Variants in PAPOLA observed in about 807,000 individuals in gnomAD.
The protein encoded by PAPOLA is polynucleotide adenylyltransferase alpha.
In PAPOLA, 15 loss-of-function variants were observed where a neutral mutation model predicts 100.6. The observed-to-expected ratio is 0.15, with a 90% confidence interval of 0.10 to 0.23. The LOEUF is 0.23. Among genes scored for constraint, PAPOLA ranks in the 10% least tolerant of loss-of-function variants. PAPOLA has a pLI of 1.00. For synonymous variants in PAPOLA, 293 were observed against 300.0 expected, an observed-to-expected ratio of 0.98 and a Z score of 0.24; for missense variants, 533 against 884.2, an observed-to-expected ratio of 0.60 and a Z score of 5.04.
chr14:96,561,251 C>T (rs1448811568), intron 20 of PAPOLA, among the ~76,000 whole-genome samples: 2 of 149,296 alleles, frequency 1.3e-5, no homozygotes, highest in Non-Finnish European at 3.0e-5. Flanking sequence ...TTTTTTTCCC[C>T]AAAATGTAAA....
chr14:96,545,543 CTATT>C (rs1325161355), intron 15 of PAPOLA, among the ~76,000 whole-genome samples: 1 of 151,988 alleles, frequency 6.6e-6, no homozygotes, highest in African/African-American at 2.4e-5. Context: ...TTAAAATACT[CTATT>C]TTTTGTTTGT....
chr14:96,564,836 T>G, intron 21 of PAPOLA, 119 bp from the exon 22 acceptor site: 2 of 617,584 alleles, frequency 3.2e-6, no homozygotes, highest in South Asian at 4.5e-5. Context: ...ATAGAGTTTT[T>G]AAATTTGTAA....
chr14:96,505,757 T>C (rs1251087781), intron 1 of PAPOLA, among the ~76,000 whole-genome samples: 2 of 152,166 alleles, frequency 1.3e-5, no homozygotes, highest in Non-Finnish European at 2.9e-5. Flanking sequence ...TTTCATGTTA[T>C]TGAGATGTTT....
intron 9 of PAPOLA, chr14:96,533,761 G>A (rs1184374971): frequency 5.0e-6 from 2 of 400,176 alleles, no homozygotes; most frequent in Non-Finnish European, 6.8e-6. Context: ...CACTGTGTTA[G>A]CCAGGATGGT....
At chr14:96,502,663 G>A in intron 1 of PAPOLA, 63 bp downstream of exon 1, 3 of 1,543,830 alleles carry the variant, frequency 1.9e-6, no homozygotes, top group African/African-American at 1.4e-5. Flanking sequence ...CGTCCGGGAA[G>A]GGGAAGAGGT....
chr14:96,559,581 C>CTCTCTA (rs370979875), intron 19 of PAPOLA, among the ~76,000 whole-genome samples: 3,721 of 120,034 alleles, frequency 0.031, 69 homozygotes, highest in South Asian at 0.039. Context: ...CTCTCTCTCT[C>CTCTCTA]TATATATATA....
chr14:96,532,181 A>G, intron 7 of PAPOLA, 150 bp from the exon 8 acceptor site: 15 of 1,401,850 alleles, frequency 1.1e-5, no homozygotes, highest in Non-Finnish European at 1.3e-5. Context: ...GTTCTACCAA[A>G]TAAAAATTTA....
intron 1 of PAPOLA, among the ~76,000 whole-genome samples, chr14:96,506,137 C>T (rs550669381): frequency 6.6e-6 from 1 of 152,154 alleles, no homozygotes; most frequent in South Asian, 2.1e-4. Context: ...TTCCTGACCT[C>T]GTGATCCCCC....
chr14:96,544,623 G>C (rs1199717452), intron 15 of PAPOLA, among the ~76,000 whole-genome samples: 2 of 152,014 alleles, frequency 1.3e-5, no homozygotes, highest in African/African-American at 4.8e-5. Context: ...TTTTGGATTA[G>C]GGATACTCAA....
chr14:96,560,676 C>A lies in PAPOLA; in HGVS notation c.2032C>A (p.Leu678Ile). The A allele has an allele frequency of 6.2e-7, 1 of 1,608,002 alleles. No homozygotes were observed. Among genetic ancestry groups the A allele is most frequent in the Non-Finnish European group, 8.5e-7 (1 of 1,175,732 alleles). Residue 678 changes from leucine (L) to isoleucine (I), a missense_variant, in exon 20 of 22, where the codon CTT becomes ATT. Physicochemically the swap from Leu to Ile is conservative, Grantham distance 5 (BLOSUM62 2). Coordinates refer to ENST00000216277, the MANE Select transcript of PAPOLA (RefSeq NM_032632.5). ...EDETSEDANC[L>I]ALSGHDKTEA... is the part of the protein sequence containing the mutation. ...TGAAACAAGTGAAGATGCTAACTGTCTTGCTTTGAGTGGACATGATAAAAC... is the reference window on the plus strand; with the variant it reads ...TGAAACAAGTGAAGATGCTAACTGTATTGCTTTGAGTGGACATGATAAAAC...
intron 1 of PAPOLA, among the ~76,000 whole-genome samples, chr14:96,515,135 G>A (rs1393771790): frequency 6.6e-6 from 1 of 152,146 alleles, no homozygotes; most frequent in Non-Finnish European, 1.5e-5. Context: ...AGTTGAAAAC[G>A]AATTGTTATA....
At chr14:96,549,249 ATTT>A (rs764364872) in intron 16 of PAPOLA, among the ~76,000 whole-genome samples, 2 of 140,108 alleles carry the variant, frequency 1.4e-5, no homozygotes, top group Non-Finnish European at 3.1e-5. Context: ...TGTTATTCTA[ATTT>A]TTTTTTTTTT....
At chr14:96,552,340 C>T (rs1900909216) in intron 16 of PAPOLA, 140 bp from the exon 17 acceptor site, 2 of 732,252 alleles carry the variant, frequency 2.7e-6, no homozygotes, top group Admixed American at 5.5e-5. Flanking sequence ...CTTTTAGAGT[C>T]AGCATGGCAC....
At chr14:96,529,887 A>C (rs1011161370) in intron 6 of PAPOLA, among the ~76,000 whole-genome samples, 2 of 152,194 alleles carry the variant, frequency 1.3e-5, no homozygotes, top group Non-Finnish European at 2.9e-5. Context: ...CAATTTTGTC[A>C]GCGGAATTCT....
chr14:96,558,479 C>T (rs1490364540), intron 19 of PAPOLA, among the ~76,000 whole-genome samples: 1 of 152,118 alleles, frequency 6.6e-6, no homozygotes, highest in Non-Finnish European at 1.5e-5. Context: ...TGTACTAGTG[C>T]AGTATTTTGC....
Position 96,520,358 on chromosome 14 carries a change from G to C in PAPOLA, c.182+130G>C, listed in dbSNP as rs538327652. Reference sequence around the variant, plus strand: ...CCCAGATCTATATATCTGTTTTGGAGAAGAGGGATACTTAAGAGAGAAAAC... The same window carrying C: ...CCCAGATCTATATATCTGTTTTGGACAAGAGGGATACTTAAGAGAGAAAAC... On this transcript the variant is annotated intron_variant, in intron 2 of 21. Transcript: ENST00000216277. The C allele has an allele frequency of 7.4e-6, 5 of 676,808 alleles. No individual in the cohort carries two copies. The East Asian group carries it at 1.4e-4, about 19-fold the overall frequency. The allele number at this position is 676,808 out of a possible 1,614,324, so 41.9% of individuals were successfully genotyped here.
rs74610865 is a variant in PAPOLA at position 96,549,792 on chromosome 14, T to C, written c.1521+1874T>C. On this transcript the variant is annotated intron_variant, in intron 16 of 21. Transcript: ENST00000216277. ...AAACACTTGCTTTCTAATTGTCCTT[T>C]AGTGTTGTATTATTAATAGGTTAAA... is the stretch of plus-strand genomic sequence containing the variant. Among the ~76,000 whole-genome samples the C allele has an allele frequency of 1.8e-3, 269 of 152,338 alleles. 1 individual carries two copies. The highest frequency in any genetic ancestry group is 6.8e-3 in the Middle Eastern group (2 of 294).
chr14:96,533,438 TAA>T (rs1027615561), intron 9 of PAPOLA: 3 of 981,384 alleles, frequency 3.1e-6, no homozygotes, highest in Non-Finnish European at 3.6e-6. Context: ...GGAGGAAAAA[TAA>T]AAAAAATTTA....
chr14:96,518,414 C>CT (rs397966631), intron 1 of PAPOLA, among the ~76,000 whole-genome samples: 18,172 of 145,270 alleles, frequency 0.13, 1,184 homozygotes, highest in Middle Eastern at 0.18. Flanking sequence ...TTGCTTTTTG[C>CT]TTTTTTTTTT....
Sources: allele counts gnomAD v4.1 joint callset (sites outside exome capture counted in the v4.1 genomes callset), GRCh38; gene constraint gnomAD v4.1.1; transcripts MANE v1.5; gene names NCBI Gene and HGNC (gene_info 2026-07-23, HGNC 2026-07-21).